CMTM7: variants seen among roughly 807,000 people sequenced by gnomAD.
The protein encoded by CMTM7 is CKLF like MARVEL transmembrane domain containing 7.
In CMTM7, 7 loss-of-function variants were observed where a neutral mutation model predicts 19.3. That is an observed-to-expected ratio of 0.36 (90% CI 0.21 to 0.68). CMTM7 has a LOEUF of 0.68. Ranked by LOEUF, CMTM7 falls within the 30% of genes least tolerant of loss-of-function variation. The pLI is 0.60. For missense variants in CMTM7, 193 were observed against 232.6 expected (o/e 0.83, Z 1.11); for synonymous variants, 87 against 99.3 (o/e 0.88, Z 0.74).
chr3:32,395,363 A>G (rs1695900442), intron 1 of CMTM7, among the ~76,000 whole-genome samples: 1 of 152,056 alleles, frequency 6.6e-6, no homozygotes, highest in Non-Finnish European at 1.5e-5. Context: ...GTAATTACAT[A>G]CTATATACCA....
intron 1 of CMTM7, among the ~76,000 whole-genome samples, chr3:32,424,651 T>TG (rs1247073707): frequency 1.4e-5 from 2 of 140,980 alleles, no homozygotes; most frequent in African/African-American, 2.5e-5. Context: ...TTTTTTTTTT[T>TG]GCGGCTGGGG....
chr3:32,408,474 C>T (rs1322765062), intron 1 of CMTM7, among the ~76,000 whole-genome samples: 2 of 152,212 alleles, frequency 1.3e-5, no homozygotes, highest in East Asian at 3.9e-4. Context: ...GACATCTCAT[C>T]CACTTTGAGT....
chr3:32,445,278 T>G (rs1355677364), intron 2 of CMTM7, among the ~76,000 whole-genome samples: 1 of 152,236 alleles, frequency 6.6e-6, no homozygotes, highest in Non-Finnish European at 1.5e-5. Flanking sequence ...CAGCCATCAT[T>G]ATCTTTTTCC....
At chr3:32,426,062 T>G (rs1696427429) in intron 1 of CMTM7, among the ~76,000 whole-genome samples, 1 of 152,150 alleles carries the variant, frequency 6.6e-6, no homozygotes, top group South Asian at 2.1e-4. Flanking sequence ...GGAGAATCGC[T>G]TGAACCTGGG....
At chr3:32,397,300 A>G (rs915064007) in intron 1 of CMTM7, among the ~76,000 whole-genome samples, 1 of 152,038 alleles carries the variant, frequency 6.6e-6, no homozygotes, top group Admixed American at 6.6e-5. Flanking sequence ...TTACTTTCCT[A>G]TGTGATTATT....
chr3:32,418,903 A>G (rs1009880388), intron 1 of CMTM7, among the ~76,000 whole-genome samples: 2 of 152,202 alleles, frequency 1.3e-5, no homozygotes, highest in Non-Finnish European at 2.9e-5. Context: ...CAGTTTTCCA[A>G]TATTACAAAA....
chr3:32,425,493 G>GA (rs5847764), intron 1 of CMTM7, among the ~76,000 whole-genome samples: 41 of 147,650 alleles, frequency 2.8e-4, no homozygotes, highest in South Asian at 8.6e-4. Flanking sequence ...GACTTTCCAG[G>GA]AAAAAAAAAA....
At chr3:32,427,784 G>A (rs1051641758) in intron 1 of CMTM7, among the ~76,000 whole-genome samples, 3 of 152,228 alleles carry the variant, frequency 2.0e-5, no homozygotes, top group African/African-American at 7.2e-5. Context: ...GGTCACGCAT[G>A]GGAAAGTAGA....
intron 1 of CMTM7, among the ~76,000 whole-genome samples, chr3:32,406,587 A>G (rs1424915143): frequency 6.6e-6 from 1 of 152,236 alleles, no homozygotes; most frequent in East Asian, 1.9e-4. Flanking sequence ...ATTAGGAACC[A>G]GCGGAGTCTA....
intron 1 of CMTM7, among the ~76,000 whole-genome samples, chr3:32,393,008 C>T (rs771900328): frequency 2.6e-5 from 4 of 152,134 alleles, no homozygotes; most frequent in Non-Finnish European, 4.4e-5. Flanking sequence ...AATGTTTGCA[C>T]CAAGAACGGT....
intron 1 of CMTM7, among the ~76,000 whole-genome samples, chr3:32,422,853 A>C (rs1037401066): frequency 1.2e-4 from 19 of 152,226 alleles, no homozygotes; most frequent in Non-Finnish European, 1.6e-4. Flanking sequence ...CAGTTTGGCA[A>C]AATCATTTAG....
intron 1 of CMTM7, among the ~76,000 whole-genome samples, chr3:32,429,107 C>T (rs2125634045): frequency 1.3e-5 from 2 of 152,306 alleles, no homozygotes; most frequent in East Asian, 3.9e-4. Context: ...CATTGTGTAT[C>T]ACACTGCTCG....
At chr3:32,406,480 C>T (rs1212555976) in intron 1 of CMTM7, among the ~76,000 whole-genome samples, 1 of 152,162 alleles carries the variant, frequency 6.6e-6, no homozygotes, top group South Asian at 2.1e-4. Flanking sequence ...CTTTAGGGGT[C>T]TTCCATGTCT....
rs552596422 is a variant in CMTM7, at chr3:32,414,210, C to T, written c.159+22145C>T. Reference sequence around the variant, plus strand: ...AAATCTCTTTCTCAGAGTCTATTTCCAGGGAATTCCACCACCCCAGGACCA... The same window carrying T: ...AAATCTCTTTCTCAGAGTCTATTTCTAGGGAATTCCACCACCCCAGGACCA... On this transcript the variant is annotated intron_variant, in intron 1 of 4. Transcript: ENST00000334983. Among the ~76,000 whole-genome samples the T allele has an allele frequency of 5.9e-5, 9 of 152,258 alleles. No individual in the cohort carries two copies. The South Asian group carries it at 1.9e-3, about 32-fold the overall frequency.
intron 1 of CMTM7, among the ~76,000 whole-genome samples, chr3:32,428,216 C>T (rs1696461628): frequency 6.6e-6 from 1 of 152,090 alleles, no homozygotes; most frequent in African/African-American, 2.4e-5. Flanking sequence ...CAAAGCCTGC[C>T]TGAGAGGTGC....
intron 1 of CMTM7, among the ~76,000 whole-genome samples, chr3:32,400,771 G>A (rs1695990793): frequency 6.6e-6 from 1 of 152,132 alleles, no homozygotes; most frequent in African/African-American, 2.4e-5. Context: ...TGCTGTCATA[G>A]CCAGTCATGG....
chr3:32,445,961 T>G (rs923945618), intron 2 of CMTM7, among the ~76,000 whole-genome samples: 4 of 152,242 alleles, frequency 2.6e-5, no homozygotes, highest in African/African-American at 9.6e-5. Flanking sequence ...AAAAGAGATA[T>G]TGGTCTGTAG....
intron 4 of CMTM7, among the ~76,000 whole-genome samples, chr3:32,453,362 G>C (rs164218): frequency 0.4 from 61,087 of 151,940 alleles, 12,735 homozygotes; most frequent in South Asian, 0.52. Context: ...TTTTCTCTCT[G>C]AAAATATATA....
chr3:32,410,810 A>G (rs981038900), intron 1 of CMTM7, among the ~76,000 whole-genome samples: 2 of 152,272 alleles, frequency 1.3e-5, no homozygotes, highest in African/African-American at 4.8e-5. Context: ...TCAAAACAAC[A>G]GAAGCAAACA....
Sources: allele counts gnomAD v4.1 joint callset (sites outside exome capture counted in the v4.1 genomes callset), GRCh38; gene constraint gnomAD v4.1.1; transcripts MANE v1.5; gene names NCBI Gene and HGNC (gene_info 2026-07-23, HGNC 2026-07-21).